Variants in GALNT13 observed in about 807,000 individuals in gnomAD.
The protein encoded by GALNT13 is UDP-GalNAc:polypeptide N-acetylgalactosaminyltransferase 13.
GALNT13 carries 28 observed loss-of-function variants against 64.2 expected under a neutral mutation model. The observed-to-expected ratio is 0.44, with a 90% CI of 0.32 to 0.60. The LOEUF is 0.60. Among genes scored for constraint, GALNT13 ranks in the 20% least tolerant of loss-of-function variants. GALNT13 has a pLI of 0.05. For missense variants in GALNT13, 577 were observed against 669.8 expected (o/e 0.86, Z 1.53); for synonymous variants, 214 against 224.6 (o/e 0.95, Z 0.42).
At chr2:154,445,831 C>T (rs568068614) in intron 12 of GALNT13, 64 of 1,288,246 alleles carry the variant, frequency 5.0e-5, no homozygotes, top group South Asian at 4.2e-4. Context: ...AGGGCAGGCA[C>T]GGAGCTTCAA....
At chr2:154,239,275 G>A (rs896668641) in intron 4 of GALNT13, among the ~76,000 whole-genome samples, 17 of 151,940 alleles carry the variant, frequency 1.1e-4, no homozygotes, top group South Asian at 4.1e-4. Context: ...TTGGCATTTC[G>A]TGTAACATAC....
rs1553470481 is a variant in GALNT13, at chr2:154,043,455, T to TACATACATACAC, written c.143-96879_143-96878insTACATACACACA. On this transcript the variant is annotated intron_variant, in intron 3 of 12. Transcript: ENST00000392825. ...ATATATATATATATATATATATATATACACACATGTATACATAAAAACATG... is the reference window on the plus strand; with the variant it reads ...ATATATATATATATATATATATATATACATACATACACACACACATGTATACATAAAAACATG... Among the ~76,000 whole-genome samples the TACATACATACAC allele has an allele frequency of 4.4e-4, 46 of 105,002 alleles. 1 individual carries two copies. Among genetic ancestry groups the TACATACATACAC allele is most frequent in the African/African-American group, 1.8e-3 (44 of 24,802 alleles). 68.9% of individuals were successfully genotyped at this position (105,002 alleles called of 152,430 possible).
chr2:153,448,050 A>T, the GALNT13 span, among the ~76,000 whole-genome samples: 1 of 152,218 alleles, frequency 6.6e-6, no homozygotes, highest in East Asian at 1.9e-4. Flanking sequence ...CTACAGAGCA[A>T]TTACCATTTC....
the GALNT13 span, among the ~76,000 whole-genome samples, chr2:153,831,161 T>C: frequency 2.6e-5 from 4 of 152,214 alleles, no homozygotes; most frequent in Non-Finnish European, 5.9e-5. Context: ...AAAACTACTG[T>C]TACTATGCTT....
intron 2 of GALNT13, among the ~76,000 whole-genome samples, chr2:153,919,106 T>C (rs1204052648): frequency 6.6e-6 from 1 of 152,150 alleles, no homozygotes; most frequent in East Asian, 1.9e-4. Context: ...ATTGTACTTC[T>C]GTCTTTCTCC....
intron 2 of GALNT13, among the ~76,000 whole-genome samples, chr2:153,917,385 A>T (rs1320945984): frequency 2.0e-5 from 3 of 152,116 alleles, no homozygotes; most frequent in Non-Finnish European, 4.4e-5. Context: ...CTAACCCCCA[A>T]TAACTTCCCT....
the GALNT13 span, among the ~76,000 whole-genome samples, chr2:153,169,955 A>C: frequency 6.6e-6 from 1 of 152,144 alleles, no homozygotes; most frequent in Non-Finnish European, 1.5e-5. Context: ...CCCTTATCCA[A>C]AATTAAGCTT....
chr2:153,171,149 C>G, the GALNT13 span, among the ~76,000 whole-genome samples: 1 of 152,212 alleles, frequency 6.6e-6, no homozygotes, highest in Non-Finnish European at 1.5e-5. Context: ...GTGGTCTAAG[C>G]CAATTATGGT....
intron 3 of GALNT13, among the ~76,000 whole-genome samples, chr2:154,020,133 T>C (rs907157524): frequency 5.3e-5 from 8 of 152,240 alleles, no homozygotes; most frequent in Non-Finnish European, 1.5e-5. Context: ...AAGTCTTTGC[T>C]ATTGTGAATA....
chr2:153,514,524 G>T, the GALNT13 span, among the ~76,000 whole-genome samples: 1 of 152,226 alleles, frequency 6.6e-6, no homozygotes, highest in African/African-American at 2.4e-5. Context: ...CCTGATTTCT[G>T]CTCCTGCAGG....
the GALNT13 span, among the ~76,000 whole-genome samples, chr2:153,856,625 G>T: frequency 6.6e-6 from 1 of 152,080 alleles, no homozygotes; most frequent in South Asian, 2.1e-4. Flanking sequence ...AAAATTTCTT[G>T]TCTAGGTGAA....
chr2:154,248,337 CT>C (rs1689891505), intron 7 of GALNT13, among the ~76,000 whole-genome samples: 1 of 151,934 alleles, frequency 6.6e-6, no homozygotes, highest in South Asian at 2.1e-4. Flanking sequence ...TTGTGAAATA[CT>C]TGTTAATTTT....
At chr2:154,070,810 G>A (rs554801781) in intron 3 of GALNT13, among the ~76,000 whole-genome samples, 1 of 152,076 alleles carries the variant, frequency 6.6e-6, no homozygotes, top group East Asian at 1.9e-4. Context: ...CCAGCTCCTT[G>A]GGAGGCTGAG....
At chr2:153,500,471 G>A in the GALNT13 span, among the ~76,000 whole-genome samples, 1 of 152,134 alleles carries the variant, frequency 6.6e-6, no homozygotes, top group Non-Finnish European at 1.5e-5. Context: ...AAAGAAACCT[G>A]CGGGTTATGA....
chr2:154,225,129 TAGATAGATAGATAGATGAC>T (rs1688527395), intron 4 of GALNT13, among the ~76,000 whole-genome samples: 1 of 109,434 alleles, frequency 9.1e-6, no homozygotes, highest in East Asian at 2.5e-4. Context: ...GATAGATAGA[TAGATAGATAGATAGATGAC>T]AGATAGATAG....
chr2:153,703,567 G>A, the GALNT13 span, among the ~76,000 whole-genome samples: 2 of 151,796 alleles, frequency 1.3e-5, no homozygotes, highest in South Asian at 4.1e-4. Context: ...CTTCCAAAGA[G>A]TTGCTCTTCA....
the GALNT13 span, among the ~76,000 whole-genome samples, chr2:153,644,003 C>G: frequency 4.3e-4 from 66 of 151,880 alleles, no homozygotes; most frequent in African/African-American, 1.5e-3. Flanking sequence ...AGGAAGAATG[C>G]AAGACTATCT....
chr2:153,372,147 G>T, the GALNT13 span, among the ~76,000 whole-genome samples: 1 of 152,124 alleles, frequency 6.6e-6, no homozygotes, highest in African/African-American at 2.4e-5. Context: ...GGTGAGCTGG[G>T]GAATAGAATT....
chr2:154,357,403 T>C (rs537158502), intron 9 of GALNT13, among the ~76,000 whole-genome samples: 2 of 152,236 alleles, frequency 1.3e-5, no homozygotes, highest in East Asian at 3.9e-4. Flanking sequence ...GTTAGATGTT[T>C]GTCCTGGTGT....
Sources: allele counts gnomAD v4.1 joint callset (sites outside exome capture counted in the v4.1 genomes callset), GRCh38; gene constraint gnomAD v4.1.1; transcripts MANE v1.5; gene names NCBI Gene and HGNC (gene_info 2026-07-23, HGNC 2026-07-21).